The following OBI1 variants were observed in gnomAD, a reference collection of about 807,000 sequenced individuals.
OBI1 encodes the protein ring finger protein 219.
A neutral mutation model predicts 62.4 loss-of-function variants in OBI1; 59 were observed. The observed-to-expected ratio is 0.95, with a 90% CI of 0.77 to 1.17. The LOEUF (loss-of-function observed/expected upper bound fraction) is 1.17. Ranked by LOEUF, OBI1 falls within the 50% of genes most tolerant of loss-of-function variation. The pLI is 0.00. For synonymous variants in OBI1, 302 were observed against 292.8 expected, an observed-to-expected ratio of 1.03 and a Z score of -0.32; for missense variants, 875 against 830.9, an observed-to-expected ratio of 1.05 and a Z score of -0.65.
Position 78,615,984 on chromosome 13 carries a change from T to C in OBI1, c.1777A>G (p.Lys593Glu), listed in dbSNP as rs575630386. Residue 593 changes from lysine (K) to glutamate (E), a missense_variant, in exon 6 of 6, where the codon AAA (lysine) becomes GAA (glutamate). By Grantham distance (56) the Lys-to-Glu change is moderately conservative. Transcript: ENST00000282003. ...AACTGATCATTAGTTAGAGAACCTT[T>C]GGAAAGGTTTAGCTCAGTTTTTTCT... ...LEEKTELNLS[K>E]GSLTNDQLEN... 6.3e-5 allele frequency: 101 copies of C among 1,614,094 alleles called. No homozygotes were observed. In the South Asian group the frequency reaches 1.1e-3, roughly 17 times the overall value.
At chr13:78,645,659 A>AT (rs11408032) in intron 1 of OBI1, among the ~76,000 whole-genome samples, 144,599 of 151,492 alleles carry the variant, frequency 0.95, 69,275 homozygotes, top group East Asian at 1. Flanking sequence ...CATTTATAGC[A>AT]TTTTTTTTTG....
At chr13:78,654,523 A>T (rs1281413699) in intron 1 of OBI1, among the ~76,000 whole-genome samples, 1 of 152,224 alleles carries the variant, frequency 6.6e-6, no homozygotes, top group Non-Finnish European at 1.5e-5. Flanking sequence ...CCAAGTGAAC[A>T]GTGATTAATG....
intron 5 of OBI1, among the ~76,000 whole-genome samples, chr13:78,626,052 G>A (rs1875656384): frequency 6.6e-6 from 1 of 152,310 alleles, no homozygotes; most frequent in Non-Finnish European, 1.5e-5. Flanking sequence ...TCAGCATGGA[G>A]ACAGGTAAAG....
intron 5 of OBI1, among the ~76,000 whole-genome samples, chr13:78,620,315 T>C (rs148147324): frequency 6.6e-4 from 101 of 152,336 alleles, no homozygotes; most frequent in African/African-American, 2.3e-3. Context: ...ATTTGGAGTA[T>C]ACAACACTAA....
chr13:78,647,138 G>A (rs188464677), intron 1 of OBI1, among the ~76,000 whole-genome samples: 97 of 152,344 alleles, frequency 6.4e-4, no homozygotes, highest in African/African-American at 2.2e-3. Flanking sequence ...TATTGTCCAA[G>A]GTTTCTCCCT....
chr13:78,656,361 A>AGAAC (rs1245380717), intron 1 of OBI1, among the ~76,000 whole-genome samples: 1 of 128,930 alleles, frequency 7.8e-6, no homozygotes, highest in African/African-American at 2.9e-5. Flanking sequence ...AGGCGGGCAG[A>AGAAC]TCACCTAGTT....
intron 5 of OBI1, among the ~76,000 whole-genome samples, chr13:78,630,134 C>T (rs1294420170): frequency 1.3e-5 from 2 of 152,112 alleles, no homozygotes; most frequent in African/African-American, 4.8e-5. Context: ...TGCAACCTAA[C>T]CATCATTCTC....
At chr13:78,645,153 C>A (rs569337717) in intron 1 of OBI1, among the ~76,000 whole-genome samples, 156 bp from the exon 2 acceptor site, 1 of 145,390 alleles carries the variant, frequency 6.9e-6, no homozygotes, top group Non-Finnish European at 1.5e-5. Context: ...CTGTTGGTCA[C>A]TTTTCTTTTT....
intron 1 of OBI1, among the ~76,000 whole-genome samples, chr13:78,653,351 G>C (rs909503484): frequency 1.3e-5 from 2 of 152,104 alleles, no homozygotes; most frequent in African/African-American, 4.8e-5. Context: ...TGTCCCTGGG[G>C]GACAAAATCT....
intron 2 of OBI1, among the ~76,000 whole-genome samples, chr13:78,643,308 C>T (rs563264303): frequency 1.3e-5 from 2 of 152,026 alleles, no homozygotes; most frequent in Admixed American, 1.3e-4. Flanking sequence ...TGGTGAAATT[C>T]AGCAGGTAAA....
At chr13:78,653,311 C>T (rs1282148083) in intron 1 of OBI1, among the ~76,000 whole-genome samples, 1 of 152,226 alleles carries the variant, frequency 6.6e-6, no homozygotes, top group African/African-American at 2.4e-5. Flanking sequence ...CCCTTGAAAA[C>T]AATGAGAAAT....
rs777202971 is a variant in OBI1, at chr13:78,659,089, G to T, written c.32C>A (p.Ser11Ter). 1.9e-6 allele frequency: 3 copies of T among 1,612,568 alleles called. No individual in the cohort carries two copies. Among genetic ancestry groups the T allele is most frequent in the South Asian group, 1.1e-5 (1 of 90,958 alleles). The change falls in exon 1 of 6, where the codon TCG (serine) becomes TAG (stop). Residue 11 changes from serine (S) to a stop codon, truncating the protein, a stop_gained. Coordinates refer to ENST00000282003, the MANE Select transcript of OBI1 (RefSeq NM_024546.4). LOFTEE classifies it high-confidence loss of function. MAQTVQNVTL[S>*]LTLPITCHIC... ...GTGGCACGTGATGGGCAGAGTGAGC[G>T]ACAATGTAACATTCTGCACGGTCTG...
intron 3 of OBI1, among the ~76,000 whole-genome samples, 198 bp downstream of exon 3, chr13:78,641,923 AT>A (rs1566283751): frequency 6.6e-6 from 1 of 151,982 alleles, no homozygotes; most frequent in Admixed American, 6.5e-5. Context: ...AAGAAAAAAA[AT>A]AAAACAAAAA....
intron 5 of OBI1, among the ~76,000 whole-genome samples, chr13:78,632,213 C>CT (rs1290094332): frequency 6.6e-6 from 1 of 152,076 alleles, no homozygotes; most frequent in Non-Finnish European, 1.5e-5. Flanking sequence ...ATTTCTCTCT[C>CT]TCCCCCAACC....
intron 4 of OBI1, among the ~76,000 whole-genome samples, chr13:78,635,938 T>C (rs1361196570): frequency 2.0e-5 from 3 of 152,138 alleles, no homozygotes; most frequent in Non-Finnish European, 4.4e-5. Context: ...AATTTTTGTA[T>C]TTTAAGTAGA....
At chr13:78,619,323 C>A (rs2806584) in intron 5 of OBI1, among the ~76,000 whole-genome samples, 74,502 of 150,312 alleles carry the variant, frequency 0.5, 19,423 homozygotes, top group African/African-American at 0.68. Context: ...CTCTCTCTCT[C>A]TATATATTTT....
At chr13:78,624,466 T>C (rs555506211) in intron 5 of OBI1, among the ~76,000 whole-genome samples, 122 of 152,292 alleles carry the variant, frequency 8.0e-4, no homozygotes, top group Non-Finnish European at 1.4e-3. Flanking sequence ...ACTATATTAT[T>C]CATTTATTTT....
At chr13:78,634,091 A>C (rs534947491) in intron 5 of OBI1, among the ~76,000 whole-genome samples, 1,506 of 124,626 alleles carry the variant, frequency 0.012, 8 homozygotes, top group Non-Finnish European at 0.016. Context: ...AAAAAACAAA[A>C]AACAAAAAAA....
chr13:78,651,226 CTT>C (rs1396673790), intron 1 of OBI1, among the ~76,000 whole-genome samples: 1 of 152,156 alleles, frequency 6.6e-6, no homozygotes, highest in Non-Finnish European at 1.5e-5. Context: ...GGTTCTCATT[CTT>C]TTGTCTTTGA....
Sources: allele counts gnomAD v4.1 joint callset (sites outside exome capture counted in the v4.1 genomes callset), GRCh38; gene constraint gnomAD v4.1.1; transcripts MANE v1.5; gene names NCBI Gene and HGNC (gene_info 2026-07-23, HGNC 2026-07-21).